DUSP16: variants seen among roughly 807,000 people sequenced by gnomAD.
The protein encoded by DUSP16 is dual specificity phosphatase 16, also known as dual specificity protein phosphatase 16.
In DUSP16, 21 loss-of-function variants were observed where a neutral mutation model predicts 58.3. The observed-to-expected ratio is 0.36, with a 90% confidence interval of 0.26 to 0.52. The LOEUF (loss-of-function observed/expected upper bound fraction) is 0.52. Ranked by LOEUF, DUSP16 falls within the 20% of genes least tolerant of loss-of-function variation. The pLI is 0.94. For missense variants in DUSP16, 726 were observed against 819.0 expected (o/e 0.89, Z 1.39); for synonymous variants, 320 against 323.8 (o/e 0.99, Z 0.12).
chr12:12,559,672 T>G (rs1944865625), intron 1 of DUSP16, among the ~76,000 whole-genome samples: 1 of 152,170 alleles, frequency 6.6e-6, no homozygotes, highest in Non-Finnish European at 1.5e-5. Flanking sequence ...TTGAAAAAAT[T>G]TAATACTGGA....
chr12:12,485,603 C>T (rs1943667633), intron 5 of DUSP16, among the ~76,000 whole-genome samples: 1 of 152,266 alleles, frequency 6.6e-6, no homozygotes, highest in Non-Finnish European at 1.5e-5. Flanking sequence ...CCTCCGCCTC[C>T]TGGCTCAAGC....
At chr12:12,558,347 A>T (rs935393092) in intron 1 of DUSP16, among the ~76,000 whole-genome samples, 1 of 151,872 alleles carries the variant, frequency 6.6e-6, no homozygotes, top group African/African-American at 2.4e-5. Context: ...AGTAATGCTC[A>T]TAATTTACCC....
chr12:12,552,872 C>T (rs1427755492), intron 1 of DUSP16, among the ~76,000 whole-genome samples: 1 of 152,090 alleles, frequency 6.6e-6, no homozygotes, highest in African/African-American at 2.4e-5. Flanking sequence ...CCTCTGCCTC[C>T]CGGGTTCAAG....
chr12:12,552,353 G>A (rs911715467), intron 1 of DUSP16, among the ~76,000 whole-genome samples: 7 of 152,022 alleles, frequency 4.6e-5, no homozygotes, highest in African/African-American at 1.7e-4. Flanking sequence ...GGCTGAGGCA[G>A]GAGAATCACT....
At chr12:12,518,143 A>G (rs1348163561) in intron 3 of DUSP16, among the ~76,000 whole-genome samples, 1 of 152,218 alleles carries the variant, frequency 6.6e-6, no homozygotes, top group African/African-American at 2.4e-5. Context: ...GTCTCCCCAT[A>G]GGGTAAAAGT....
chr12:12,478,671 CT>C (rs1943505523), intron 6 of DUSP16, among the ~76,000 whole-genome samples: 1 of 152,138 alleles, frequency 6.6e-6, no homozygotes, highest in Admixed American at 6.5e-5. Flanking sequence ...AAGGACACCC[CT>C]GACACACACA....
chr12:12,476,497 G>A lies in DUSP16; in HGVS notation c.*336C>T, dbSNP rs749590610. The A allele has an allele frequency of 8.8e-5, 18 of 205,424 alleles. No individual in the cohort carries two copies. The highest frequency in any genetic ancestry group is 4.3e-4 in the South Asian group (4 of 9,396). The allele number at this position is 205,424 out of a possible 1,614,324, so 12.7% of individuals were successfully genotyped here. ...ATTTGAGATCTCTTAGTAGCACAACGTGAAAATGGTAGGGGATTTTGTCCT... is the reference window on the plus strand; with the variant it reads ...ATTTGAGATCTCTTAGTAGCACAACATGAAAATGGTAGGGGATTTTGTCCT... On this transcript the variant is annotated 3_prime_UTR_variant, in exon 7 of 7. Coordinates refer to ENST00000298573, the MANE Select transcript of DUSP16 (RefSeq NM_030640.3).
chr12:12,520,762 C>A (rs1269350104), intron 2 of DUSP16, 109 bp downstream of exon 2: 4 of 1,356,068 alleles, frequency 2.9e-6, no homozygotes, highest in African/African-American at 2.9e-5. Flanking sequence ...AAAAAGCAAC[C>A]AAAACTTCCT....
rs549819081 is a variant in DUSP16 at position 12,500,317 on chromosome 12, A to G, written c.531+202T>C. Reference sequence around the variant, plus strand: ...ATTAAGAACAAGTAGACATGACAATAATTTAGGTTTCCTGCAGTAAAAAGT... The same window carrying G: ...ATTAAGAACAAGTAGACATGACAATGATTTAGGTTTCCTGCAGTAAAAAGT... On this transcript the variant is annotated intron_variant, in intron 4 of 6. Transcript: ENST00000298573. Among the ~76,000 whole-genome samples, 3 of 152,330 alleles carry G rather than the reference A, an allele frequency of 2.0e-5. No individual in the cohort carries two copies. In the East Asian group the frequency reaches 5.8e-4, roughly 29 times the overall value.
chr12:12,483,582 T>C (rs2136193092), intron 5 of DUSP16, among the ~76,000 whole-genome samples: 1 of 152,206 alleles, frequency 6.6e-6, no homozygotes, highest in East Asian at 1.9e-4. Flanking sequence ...GCCTCCAAAA[T>C]ACATGGTCCT....
At chr12:12,487,622 T>C (rs972990460) in intron 4 of DUSP16, among the ~76,000 whole-genome samples, 1 of 152,178 alleles carries the variant, frequency 6.6e-6, no homozygotes, top group African/African-American at 2.4e-5. Flanking sequence ...AGGCTGCACT[T>C]ACTTCTGTAG....
chr12:12,515,094 AGTT>A (rs1200850041), intron 3 of DUSP16, among the ~76,000 whole-genome samples: 7 of 152,164 alleles, frequency 4.6e-5, no homozygotes, highest in Non-Finnish European at 1.0e-4. Context: ...AAAAATATAT[AGTT>A]TATTCTGCCA....
At chr12:12,554,845 T>C (rs1469573978) in intron 1 of DUSP16, among the ~76,000 whole-genome samples, 2 of 152,078 alleles carry the variant, frequency 1.3e-5, no homozygotes, top group Non-Finnish European at 2.9e-5. Flanking sequence ...GGTTGGTGGG[T>C]ATTATCAAAA....
chr12:12,560,946 T>TCACACACCCACACCCACACCCACACA (rs56190302), intron 1 of DUSP16: 6 of 148,144 alleles, frequency 4.1e-5, no homozygotes, highest in African/African-American at 1.5e-4. Context: ...ATGGTAAATT[T>TCACACACCCACACCCACACCCACACA]CACACACACA....
intron 4 of DUSP16, among the ~76,000 whole-genome samples, chr12:12,495,173 T>C (rs1046601096): frequency 5.3e-5 from 8 of 151,108 alleles, no homozygotes; most frequent in African/African-American, 2.0e-4. Flanking sequence ...TCTTATTTTA[T>C]CTTGTTGTAA....
At chr12:12,512,513 C>T (rs554357262) in intron 3 of DUSP16, among the ~76,000 whole-genome samples, 28 of 152,260 alleles carry the variant, frequency 1.8e-4, no homozygotes, top group African/African-American at 6.0e-4. Flanking sequence ...TGGTAACCAC[C>T]GTTCTACTGT....
At chr12:12,507,202 T>A (rs570550959) in intron 3 of DUSP16, among the ~76,000 whole-genome samples, 1 of 152,354 alleles carries the variant, frequency 6.6e-6, no homozygotes, top group African/African-American at 2.4e-5. Flanking sequence ...TAAACAAAAG[T>A]AGCACTTTAC....
At chr12:12,489,577 C>T (rs941977615) in intron 4 of DUSP16, among the ~76,000 whole-genome samples, 1 of 152,180 alleles carries the variant, frequency 6.6e-6, no homozygotes, top group Admixed American at 6.5e-5. Context: ...TTAGTAATAT[C>T]CCTATCCACT....
chr12:12,556,706 A>C (rs1423366641), intron 1 of DUSP16, among the ~76,000 whole-genome samples: 1 of 152,222 alleles, frequency 6.6e-6, no homozygotes, highest in East Asian at 1.9e-4. Flanking sequence ...TTAGTTGACC[A>C]CTATGAAGGA....
Sources: allele counts gnomAD v4.1 joint callset (sites outside exome capture counted in the v4.1 genomes callset), GRCh38; gene constraint gnomAD v4.1.1; transcripts MANE v1.5; gene names NCBI Gene and HGNC (gene_info 2026-07-23, HGNC 2026-07-21).